ZFAT: variants seen among roughly 807,000 people sequenced by gnomAD.
ZFAT encodes the protein zinc finger and AT-hook domain containing, also known as zinc finger protein ZFAT.
A neutral mutation model predicts 117.7 loss-of-function variants in ZFAT; 64 were observed. The observed-to-expected ratio is 0.54, with a 90% CI of 0.44 to 0.67. ZFAT has a LOEUF of 0.67. Ranked by LOEUF, ZFAT falls within the 30% of genes least tolerant of loss-of-function variation. The pLI is 0.00. For synonymous variants in ZFAT, 679 were observed against 615.0 expected (o/e 1.10, Z -1.54); for missense variants, 1,433 against 1,584.5 (o/e 0.90, Z 1.62).
chr8:134,653,021 A>AAAAAG lies in ZFAT; in HGVS notation c.196+4535_196+4539dup, dbSNP rs142948582. Among the ~76,000 whole-genome samples the AAAAAG allele has an allele frequency of 2.3e-3, 354 of 152,242 alleles. 1 individual carries two copies. The highest frequency in any genetic ancestry group is 8.2e-3 in the African/African-American group (341 of 41,558). On this transcript the variant is annotated intron_variant, in intron 2 of 15. Coordinates refer to ENST00000377838, the MANE Select transcript of ZFAT (RefSeq NM_020863.4). ...TTAGAGAGAAAACATATGTCATCAA[A>AAAAAG]AAAAGGTTGAGTAAATTATGCATTA...
At chr8:134,720,311 GT>G in the ZFAT span, among the ~76,000 whole-genome samples, 3 of 152,250 alleles carry the variant, frequency 2.0e-5, no homozygotes, top group Non-Finnish European at 4.4e-5. Context: ...TGTGGGAGTA[GT>G]TTTTTGGGCA....
At chr8:134,566,657 T>G (rs1031295390) in intron 10 of ZFAT, among the ~76,000 whole-genome samples, 2 of 152,208 alleles carry the variant, frequency 1.3e-5, no homozygotes, top group Non-Finnish European at 2.9e-5. Context: ...GTGGCTGAGT[T>G]CCCAGAAGTG....
At chr8:134,729,715 A>G in the ZFAT span, among the ~76,000 whole-genome samples, 1 of 152,046 alleles carries the variant, frequency 6.6e-6, no homozygotes, top group Non-Finnish European at 1.5e-5. Context: ...CTTATAAGCA[A>G]TGCCTCTGAA....
At chr8:134,791,629 A>G in the ZFAT span, among the ~76,000 whole-genome samples, 46 of 152,352 alleles carry the variant, frequency 3.0e-4, no homozygotes, top group African/African-American at 1.1e-3. Flanking sequence ...TAAGTAACCT[A>G]TATAGAAGTT....
chr8:134,605,127 C>G (rs999985154), intron 5 of ZFAT, among the ~76,000 whole-genome samples: 1 of 152,114 alleles, frequency 6.6e-6, no homozygotes, highest in African/African-American at 2.4e-5. Context: ...TCCATCTGAC[C>G]CTTAAGTCCA....
At chr8:134,675,359 T>C (rs545555248) in intron 1 of ZFAT, among the ~76,000 whole-genome samples, 37 of 152,120 alleles carry the variant, frequency 2.4e-4, no homozygotes, top group Middle Eastern at 3.4e-3. Flanking sequence ...ATATCAGAAA[T>C]TGAAGATCAA....
At chr8:134,682,670 T>TAAAA (rs1833127559) in intron 1 of ZFAT, among the ~76,000 whole-genome samples, 1 of 149,670 alleles carries the variant, frequency 6.7e-6, no homozygotes, top group Non-Finnish European at 1.5e-5. Flanking sequence ...TAAAATAAAA[T>TAAAA]TAAATTAAAT....
At chr8:134,573,725 C>T (rs1825102659) in intron 10 of ZFAT, among the ~76,000 whole-genome samples, 1 of 152,248 alleles carries the variant, frequency 6.6e-6, no homozygotes. Context: ...TTTGCAAAAT[C>T]TCTCTCCACT....
At chr8:134,539,868 G>A (rs1294430506) in intron 11 of ZFAT, among the ~76,000 whole-genome samples, 2 of 152,046 alleles carry the variant, frequency 1.3e-5, no homozygotes, top group Non-Finnish European at 2.9e-5. Flanking sequence ...AGGAGAAGAG[G>A]GTCAGGTGTT....
At chr8:134,486,619 C>G (rs1225984404) in intron 15 of ZFAT, among the ~76,000 whole-genome samples, 3 of 152,168 alleles carry the variant, frequency 2.0e-5, no homozygotes, top group East Asian at 3.8e-4. Context: ...CTGTTGTTCT[C>G]AGGATCAGTT....
chr8:134,734,130 C>T, the ZFAT span, among the ~76,000 whole-genome samples: 11 of 152,330 alleles, frequency 7.2e-5, no homozygotes, highest in South Asian at 1.7e-3. Context: ...CATGCTTAGT[C>T]GGGGCACCGT....
chr8:134,759,604 G>GA, the ZFAT span, among the ~76,000 whole-genome samples: 1,287 of 149,470 alleles, frequency 8.6e-3, 9 homozygotes, highest in Middle Eastern at 0.021. Flanking sequence ...ATTCATTTAG[G>GA]AAAAAAAAAA....
At chr8:134,484,079 C>T (rs886403452) in intron 15 of ZFAT, among the ~76,000 whole-genome samples, 2 of 152,146 alleles carry the variant, frequency 1.3e-5, no homozygotes, top group South Asian at 2.1e-4. Flanking sequence ...TAAGAAAATC[C>T]CAGAAGTTCC....
intron 1 of ZFAT, among the ~76,000 whole-genome samples, chr8:134,706,212 G>A (rs1834148574): frequency 1.3e-5 from 2 of 152,140 alleles, no homozygotes; most frequent in African/African-American, 4.8e-5. Context: ...AGGCTTGTAC[G>A]GGAACATTCA....
At chr8:134,782,187 T>C in the ZFAT span, among the ~76,000 whole-genome samples, 1 of 152,212 alleles carries the variant, frequency 6.6e-6, no homozygotes, top group African/African-American at 2.4e-5. Flanking sequence ...GTAAAAGAGG[T>C]AGCTGTGCAT....
chr8:134,813,180 T>G, the ZFAT span, among the ~76,000 whole-genome samples: 1 of 152,202 alleles, frequency 6.6e-6, no homozygotes, highest in Non-Finnish European at 1.5e-5. Context: ...CTGCACAAAA[T>G]AAAGATGAGA....
chr8:134,610,796 T>C (rs1828277148), intron 3 of ZFAT, 141 bp from the exon 4 acceptor site: 1 of 918,914 alleles, frequency 1.1e-6, no homozygotes, highest in East Asian at 2.6e-5. Flanking sequence ...GGAATCACTG[T>C]AGGTACCACG....
At position 134,626,467 on chromosome 8, in the gene ZFAT, G is replaced by A. The variant is rs376488121; in HGVS notation, c.448+10994C>T. Among the ~76,000 whole-genome samples the A allele has an allele frequency of 6.6e-5, 10 of 152,342 alleles. No homozygotes were observed. The East Asian group carries it at 1.9e-3, about 29-fold the overall frequency. Reference sequence around the variant, plus strand: ...AAAGAGAATGGTGCCCTGCCCCAGTGGTCGAATCAGAGCAGAGACACAGTG... The same window carrying A: ...AAAGAGAATGGTGCCCTGCCCCAGTAGTCGAATCAGAGCAGAGACACAGTG... On this transcript the variant is annotated intron_variant, in intron 3 of 15. Transcript: ENST00000377838.
chr8:134,526,912 G>T (rs1471601544), intron 12 of ZFAT, among the ~76,000 whole-genome samples: 3 of 152,022 alleles, frequency 2.0e-5, no homozygotes, highest in Non-Finnish European at 4.4e-5. Flanking sequence ...ACTGAGTACA[G>T]TAGGCAGAAT....
Sources: gnomAD v4.1 joint callset for allele counts (sites outside exome capture counted in the v4.1 genomes callset) on GRCh38, gnomAD v4.1.1 for gene constraint, MANE v1.5 for transcripts, NCBI Gene and HGNC (gene_info 2026-07-23, HGNC 2026-07-21) for gene names.